The following C2CD3 variants were observed in gnomAD, a reference collection of about 807,000 sequenced individuals.
C2CD3 encodes the protein C2 domain-containing protein 3.
In C2CD3, 148 loss-of-function variants were observed where a neutral mutation model predicts 234.0. That is an observed-to-expected ratio of 0.63 (90% CI 0.55 to 0.72). The LOEUF (loss-of-function observed/expected upper bound fraction) is 0.72, where lower values mean the gene tolerates loss of function less well. C2CD3 is among the 30% of genes least tolerant of loss of function. C2CD3 has a pLI of 0.00. For missense variants in C2CD3, 2,577 were observed against 2,811.5 expected, an observed-to-expected ratio of 0.92 and a Z score of 1.89; for synonymous variants, 1,000 against 1,035.4, an observed-to-expected ratio of 0.97 and a Z score of 0.66.
At chr11:74,078,982 C>A (rs1955202842) in intron 22 of C2CD3, among the ~76,000 whole-genome samples, 1 of 152,206 alleles carries the variant, frequency 6.6e-6, no homozygotes, top group Admixed American at 6.5e-5. Context: ...CCATTAATTT[C>A]TCTCAGATTT....
chr11:74,155,816 G>A (rs531264887), intron 3 of C2CD3, among the ~76,000 whole-genome samples: 3 of 152,164 alleles, frequency 2.0e-5, no homozygotes, highest in African/African-American at 7.2e-5. Flanking sequence ...TAGCAGTGAT[G>A]ATTGTAAAAA....
chr11:74,025,257 A>C (rs920024015), intron 32 of C2CD3, among the ~76,000 whole-genome samples: 22 of 152,290 alleles, frequency 1.4e-4, no homozygotes, highest in Admixed American at 6.5e-4. Flanking sequence ...GTCAAATGTC[A>C]TGATTTTCAG....
At chr11:74,081,933 C>G (rs982338036) in intron 22 of C2CD3, among the ~76,000 whole-genome samples, 1 of 152,112 alleles carries the variant, frequency 6.6e-6, no homozygotes, top group African/African-American at 2.4e-5. Flanking sequence ...CATCTGCAAA[C>G]AGGGACAATT....
chr11:74,030,034 G>GT (rs1189582078), intron 31 of C2CD3, among the ~76,000 whole-genome samples: 1 of 152,134 alleles, frequency 6.6e-6, no homozygotes, highest in East Asian at 1.9e-4. Flanking sequence ...GGGATTACAG[G>GT]TGTGAACCAC....
rs368391963 is a variant in C2CD3, at chr11:74,042,111, T to C, written c.5603A>G (p.Asp1868Gly). 2 of 1,613,576 alleles carry C rather than the reference T, an allele frequency of 1.2e-6. No homozygotes were observed. The highest frequency in any genetic ancestry group is 1.1e-5 in the South Asian group (1 of 91,068). The change falls in exon 29 of 33, where the codon GAT becomes GGT. Residue 1868 changes from aspartate to glycine, a missense_variant. Asp to Gly is a moderately conservative substitution (Grantham distance 94). Coordinates refer to ENST00000334126, the MANE Select transcript of C2CD3 (RefSeq NM_001286577.2). ...CAAAGGTGATGTGGTCAGTTTGTCA[T>C]CACATGGCAAGGGTGCCTCTCCCTG... ...HLQGEAPLPCDDKLTTSPLSS... is the reference protein window; with the variant it reads ...HLQGEAPLPCGDKLTTSPLSS...
intron 9 of C2CD3, among the ~76,000 whole-genome samples, chr11:74,115,373 C>G (rs1002750880): frequency 1.3e-5 from 2 of 152,068 alleles, no homozygotes; most frequent in Non-Finnish European, 2.9e-5. Context: ...ACCCACTATT[C>G]TAATGTAACT....
At chr11:74,102,840 A>T (rs1303250457) in intron 14 of C2CD3, among the ~76,000 whole-genome samples, 2 of 152,202 alleles carry the variant, frequency 1.3e-5, no homozygotes, top group Non-Finnish European at 2.9e-5. Context: ...AGGTTTAACT[A>T]ATCAAAGTCT....
chr11:74,048,237 G>T lies in C2CD3; in HGVS notation c.5463C>A (p.Ser1821=), dbSNP rs1451903413. 1 of 1,613,632 alleles carries T rather than the reference G, an allele frequency of 6.2e-7. No individual in the cohort carries two copies. The part of the protein sequence containing the change: ...RQTLDQLAHA[S]SKELDFSSPG... ...GAGAGGAGAAATCAAGCTCCTTTGA[G>T]GAGGCATGAGCAAGTTGGTCTAGGG... The change falls in exon 28 of 33, where the codon TCC becomes TCA. Residue 1821 remains serine, a synonymous_variant. Coordinates refer to ENST00000334126, the MANE Select transcript of C2CD3 (RefSeq NM_001286577.2).
intron 24 of C2CD3, among the ~76,000 whole-genome samples, chr11:74,058,238 A>C (rs1954049033): frequency 1.3e-5 from 2 of 152,220 alleles, no homozygotes; most frequent in South Asian, 4.1e-4. Flanking sequence ...CTTCAACTGT[A>C]AAATTGGGCA....
intron 31 of C2CD3, among the ~76,000 whole-genome samples, chr11:74,033,119 T>C: frequency 6.6e-6 from 1 of 152,154 alleles, no homozygotes; most frequent in East Asian, 1.9e-4. Flanking sequence ...TAAATCAGGG[T>C]AGGCTAGGCT....
intron 24 of C2CD3, among the ~76,000 whole-genome samples, chr11:74,067,904 G>C (rs1410300322): frequency 6.6e-6 from 1 of 152,124 alleles, no homozygotes; most frequent in Non-Finnish European, 1.5e-5. Context: ...GGGAAGCAGA[G>C]GACATCTTTC....
intron 3 of C2CD3, among the ~76,000 whole-genome samples, chr11:74,146,602 T>C (rs1368296519): frequency 1.3e-5 from 2 of 152,004 alleles, no homozygotes; most frequent in Non-Finnish European, 2.9e-5. Context: ...TTGTTGACAA[T>C]AAACTTGTTT....
chr11:74,057,618 G>A (rs1954017176), intron 24 of C2CD3, 74 bp from the exon 25 acceptor site: 2 of 1,469,812 alleles, frequency 1.4e-6, no homozygotes, highest in African/African-American at 1.4e-5. Context: ...GCACAAGCAG[G>A]ACTATTCCTG....
chr11:74,049,839 A>G (rs1223620944), intron 26 of C2CD3, among the ~76,000 whole-genome samples: 1 of 150,422 alleles, frequency 6.6e-6, no homozygotes, highest in Non-Finnish European at 1.5e-5. Flanking sequence ...GCAGTGCAGT[A>G]GCATGATCAT....
Position 74,078,790 on chromosome 11 carries a change from C to T in C2CD3, c.4001-73G>A, listed in dbSNP as rs111830505. On this transcript the variant is annotated intron_variant, in intron 22 of 32. Transcript: ENST00000334126. Reference sequence around the variant, plus strand: ...AAAAAACAAGTTACTTACTCTCCACCCCATAGTGTCCTATCATCCTGGCTC... The same window carrying T: ...AAAAAACAAGTTACTTACTCTCCACTCCATAGTGTCCTATCATCCTGGCTC... The T allele has an allele frequency of 2.9e-5, 39 of 1,347,506 alleles. No individual in the cohort carries two copies. The African/African-American group carries it at 3.7e-4, about 13-fold the overall frequency. 83.5% of individuals were successfully genotyped at this position (1,347,506 alleles called of 1,614,324 possible). A position where few individuals can be genotyped will look rare whatever the true frequency, so the allele number is the denominator to read the frequency against.
At chr11:74,078,067 C>T in intron 23 of C2CD3, 48 bp downstream of exon 23, 6 of 1,569,422 alleles carry the variant, frequency 3.8e-6, no homozygotes, top group Non-Finnish European at 5.2e-6. Context: ...GTGTTTGACA[C>T]AGAGCAGGTG....
intron 24 of C2CD3, among the ~76,000 whole-genome samples, chr11:74,067,894 G>A (rs1410103243): frequency 2.0e-5 from 3 of 152,110 alleles, no homozygotes; most frequent in African/African-American, 4.8e-5. Context: ...GAAGGCAGGC[G>A]GGAAGCAGAG....
intron 24 of C2CD3, 58 bp from the exon 25 acceptor site, chr11:74,057,602 A>C (rs1954016621): frequency 3.2e-6 from 5 of 1,564,196 alleles, no homozygotes; most frequent in African/African-American, 1.4e-5. Context: ...GCCTCAGATT[A>C]TACAGGCACA....
rs767204368 is a variant in C2CD3 at position 74,092,568 on chromosome 11, C to A, written c.3365G>T (p.Arg1122Ile). Reference sequence around the variant, plus strand: ...GGTTCCTTTGGCGACCTTCTGGTCTCTCACATTAGGATAATAGTATCTGTA... The same window carrying A: ...GGTTCCTTTGGCGACCTTCTGGTCTATCACATTAGGATAATAGTATCTGTA... ...IWCRYYYPNV[R>I]DQKVAKGTLP... Residue 1122 changes from arginine (R) to isoleucine (I), a missense_variant, in exon 19 of 33, where the codon AGA becomes ATA. By Grantham distance (97) the Arg-to-Ile change is moderately conservative. Coordinates refer to ENST00000334126, the MANE Select transcript of C2CD3 (RefSeq NM_001286577.2). The A allele has an allele frequency of 2.5e-6, 4 of 1,613,528 alleles. No individual in the cohort carries two copies. Among genetic ancestry groups the A allele is most frequent in the Admixed American group, 3.3e-5 (2 of 59,906 alleles).
Sources: gnomAD v4.1 joint callset for allele counts (sites outside exome capture counted in the v4.1 genomes callset) on GRCh38, gnomAD v4.1.1 for gene constraint, MANE v1.5 for transcripts, NCBI Gene and HGNC (gene_info 2026-07-23, HGNC 2026-07-21) for gene names.